LAMC2: variants seen among roughly 807,000 people sequenced by gnomAD.
The protein encoded by LAMC2 is laminin subunit gamma 2, also known as laminin subunit gamma-2.
A neutral mutation model predicts 140.2 loss-of-function variants in LAMC2; 97 were observed. That is an observed-to-expected ratio of 0.69 (90% CI 0.59 to 0.82). The LOEUF (loss-of-function observed/expected upper bound fraction) is 0.82, where lower values mean the gene tolerates loss of function less well. Among genes scored for constraint, LAMC2 ranks in the 40% least tolerant of loss-of-function variants. The pLI is 0.00. For missense variants in LAMC2, 1,402 were observed against 1,476.1 expected, an observed-to-expected ratio of 0.95 and a Z score of 0.82; for synonymous variants, 513 against 540.2, an observed-to-expected ratio of 0.95 and a Z score of 0.70.
At position 183,215,569 on chromosome 1, in the gene LAMC2, A is replaced by C; in HGVS notation, c.385A>C (p.Thr129Pro). ...CCACATGCTCACGGATGCGGGGTGC[A>C]CCCAAGACCAGAGACTGCTGTGAGT... ...GFHMLTDAGCTQDQRLLDSKC... is the reference protein window; with the variant it reads ...GFHMLTDAGCPQDQRLLDSKC... Residue 129 changes from threonine to proline, a missense_variant, in exon 3 of 23, where the codon ACC (threonine) becomes CCC (proline). Around this residue, in one of 3 missense-constraint regions of LAMC2, gnomAD observed 723 missense variants for 783.3 expected, o/e 0.92. Transcript: ENST00000264144. 2.5e-6 allele frequency: 4 copies of C among 1,614,084 alleles called. No homozygotes were observed. Among genetic ancestry groups the C allele is most frequent in the Non-Finnish European group, 3.4e-6 (4 of 1,180,022 alleles).
the LAMC2 span, among the ~76,000 whole-genome samples, chr1:183,258,058 A>C: frequency 2.0e-5 from 3 of 152,114 alleles, no homozygotes; most frequent in Admixed American, 6.5e-5. Context: ...CAAGAGTATG[A>C]ATTCTCTTCC....
intron 2 of LAMC2, among the ~76,000 whole-genome samples, chr1:183,213,435 T>TA (rs1659133308): frequency 6.6e-6 from 1 of 152,164 alleles, no homozygotes; most frequent in Non-Finnish European, 1.5e-5. Flanking sequence ...ATAATAAATT[T>TA]AAAAAACAAA....
At chr1:183,223,369 T>C (rs756830667) in intron 7 of LAMC2, 45 bp downstream of exon 7, 5 of 1,558,574 alleles carry the variant, frequency 3.2e-6, no homozygotes, top group South Asian at 1.1e-5. Context: ...CAAACTATGA[T>C]TGAAGTTCAA....
In LAMC2 at chr1:183,235,558, G is replaced by C. The variant is rs1477072944; in HGVS notation, c.2301-17G>C. ...TTTGCGTGAAAACTCTTATTCTTTT[G>C]TTTTTAATCCTTTCAGCCACGTTGA... On this transcript the variant is annotated splice_polypyrimidine_tract_variant and intron_variant, in intron 15 of 22. Transcript: ENST00000264144. The C allele has an allele frequency of 6.2e-7, 1 of 1,613,990 alleles. No individual in the cohort carries two copies. The highest frequency in any genetic ancestry group is 8.5e-7 in the Non-Finnish European group (1 of 1,179,908).
intron 1 of LAMC2, among the ~76,000 whole-genome samples, chr1:183,202,251 C>T (rs187843356): frequency 2.1e-4 from 32 of 150,912 alleles, no homozygotes; most frequent in African/African-American, 7.8e-4. Flanking sequence ...GAAAACCACA[C>T]ACACAAAAAA....
chr1:183,243,279 G>A lies in LAMC2; in HGVS notation c.3461G>A (p.Gly1154Asp). 6.2e-7 allele frequency: 1 copy of A among 1,614,186 alleles called. No individual in the cohort carries two copies. The highest frequency in any genetic ancestry group is 8.5e-7 in the Non-Finnish European group (1 of 1,180,038). ...ELEERARQQR[G>D]HLHLLETSID... is the part of the protein sequence containing the mutation. Reference sequence around the variant, plus strand: ...GAAGAGAGGGCACGTCAGCAGAGGGGCCACCTCCATTTGCTGGAGACAAGC... The same window carrying A: ...GAAGAGAGGGCACGTCAGCAGAGGGACCACCTCCATTTGCTGGAGACAAGC... The change falls in exon 23 of 23, where the codon GGC (glycine) becomes GAC (aspartate). Residue 1154 changes from glycine to aspartate, a missense_variant. By Grantham distance (94) the Gly-to-Asp change is moderately conservative. Around this residue, in one of 3 missense-constraint regions of LAMC2, gnomAD observed 670 missense variants for 667.2 expected, o/e 1.00. Transcript: ENST00000264144.
chr1:183,215,393 GC>G lies in LAMC2; in HGVS notation c.269-58del, dbSNP rs1336101218. ...CCATAGGGTGATAGTTGCTTCCAAT[GC>G]CGCATACATTAAAATATTTCTTCTT... is the stretch of plus-strand genomic sequence containing the variant. On this transcript the variant is annotated intron_variant, in intron 2 of 22. Coordinates refer to ENST00000264144, the MANE Select transcript of LAMC2 (RefSeq NM_005562.3). The G allele has an allele frequency of 1.2e-5, 19 of 1,598,570 alleles. No individual in the cohort carries two copies. In the African/African-American group the frequency reaches 1.5e-4, roughly 12 times the overall value.
intron 4 of LAMC2, among the ~76,000 whole-genome samples, chr1:183,220,215 A>G (rs1469955811): frequency 6.6e-6 from 1 of 152,228 alleles, no homozygotes; most frequent in East Asian, 1.9e-4. Flanking sequence ...GGAGGGATTG[A>G]GCTGGGAGCA....
rs769321477 is a variant in LAMC2, at chr1:183,243,284, C to A, written c.3466C>A (p.Leu1156Ile). 6.2e-7 allele frequency: 1 copy of A among 1,614,218 alleles called. No individual in the cohort carries two copies. ...GAGGGCACGTCAGCAGAGGGGCCACCTCCATTTGCTGGAGACAAGCATAGA... is the reference window on the plus strand; with the variant it reads ...GAGGGCACGTCAGCAGAGGGGCCACATCCATTTGCTGGAGACAAGCATAGA... ...EERARQQRGH[L>I]HLLETSIDGI... The change falls in exon 23 of 23, where the codon CTC becomes ATC. Residue 1156 changes from leucine (L) to isoleucine (I), a missense_variant. Physicochemically the swap from Leu to Ile is conservative, Grantham distance 5 (BLOSUM62 2). Around this residue, in one of 3 missense-constraint regions of LAMC2, gnomAD observed 670 missense variants for 667.2 expected, o/e 1.00. Transcript: ENST00000264144.
Position 183,228,466 on chromosome 1 carries a change from A to G in LAMC2, c.1561A>G (p.Asn521Asp). 6.2e-7 allele frequency: 1 copy of G among 1,613,950 alleles called. No homozygotes were observed. The highest frequency in any genetic ancestry group is 2.2e-5 in the East Asian group (1 of 44,866). The change falls in exon 11 of 23, where the codon AAC becomes GAC. Residue 521 changes from asparagine to aspartate, a missense_variant. This residue lies in a region of LAMC2 where 723 missense variants were observed against 783.3 expected (regional missense o/e 0.92). Transcript: ENST00000264144. The surrounding 1 kb of genome is among the most constrained non-coding windows in gnomAD (Gnocchi z 4.3). ...GCCTTGTCAGCCCTGTCAATGCAAC[A>G]ACAATGTGGACCCCAGTGCCTCTGG... ...VRPCQPCQCN[N>D]NVDPSASGNC...
intron 2 of LAMC2, among the ~76,000 whole-genome samples, chr1:183,212,991 C>A (rs1214536641): frequency 6.6e-6 from 1 of 152,234 alleles, no homozygotes; most frequent in Non-Finnish European, 1.5e-5. Context: ...CTAATCCAGG[C>A]CATCATGGCA....
chr1:183,227,884 A>G (rs546006242), intron 10 of LAMC2, among the ~76,000 whole-genome samples, 187 bp downstream of exon 10: 2 of 152,348 alleles, frequency 1.3e-5, no homozygotes, highest in African/African-American at 4.8e-5. Flanking sequence ...GAAGTGGATT[A>G]AGCAAGAGCA....
At chr1:183,236,139 A>T (rs1446520291) in intron 16 of LAMC2, among the ~76,000 whole-genome samples, 1 of 152,078 alleles carries the variant, frequency 6.6e-6, no homozygotes, top group African/African-American at 2.4e-5. Context: ...GTGGAGAGGG[A>T]CAAGTATCTG....
Position 183,223,347 on chromosome 1 carries a change from G to C in LAMC2, c.953+23G>C, listed in dbSNP as rs761195989. On this transcript the variant is annotated intron_variant, in intron 7 of 22. Transcript: ENST00000264144. The stretch of plus-strand genomic sequence containing the variant: ...CAGGTAAAAAGAGAGACCATAAGTA[G>C]GTCAATTAGAGCAAACTATGATTGA... 1.1e-5 allele frequency: 17 copies of C among 1,607,270 alleles called. No homozygotes were observed. In the East Asian group the frequency reaches 3.8e-4, roughly 36 times the overall value.
chr1:183,239,677 GGC>G, intron 20 of LAMC2, 114 bp downstream of exon 20: 1 of 886,968 alleles, frequency 1.1e-6, no homozygotes, highest in Non-Finnish European at 1.8e-6. Context: ...GCCCTGTTGT[GGC>G]CCATGGGAGC....
At chr1:183,213,135 TC>T (rs754030867) in intron 2 of LAMC2, among the ~76,000 whole-genome samples, 3 of 152,238 alleles carry the variant, frequency 2.0e-5, no homozygotes, top group Non-Finnish European at 2.9e-5. Context: ...CAGAAATTGA[TC>T]TGTTATTCTG....
In LAMC2 at chr1:183,235,593, T is replaced by C; in HGVS notation, c.2319T>C (p.Ser773=). 1 of 1,614,222 alleles carries C rather than the reference T, an allele frequency of 6.2e-7. No individual in the cohort carries two copies. ...RLAESHVESA[S]NMEQLTRETE... ...CTTTCAGCCACGTTGAGTCAGCCAG[T>C]AACATGGAGCAACTGACAAGGGAAA... The change falls in exon 16 of 23, where the codon AGT becomes AGC. Residue 773 remains serine (S), a synonymous_variant. Coordinates refer to ENST00000264144, the MANE Select transcript of LAMC2 (RefSeq NM_005562.3).
At chr1:183,197,911 A>G (rs1279842693) in intron 1 of LAMC2, among the ~76,000 whole-genome samples, 1 of 152,042 alleles carries the variant, frequency 6.6e-6, no homozygotes, top group Non-Finnish European at 1.5e-5. Context: ...GAGTAGGGGT[A>G]AGGAAAGGAG....
intron 22 of LAMC2, among the ~76,000 whole-genome samples, chr1:183,241,625 A>C (rs1660137261): frequency 6.6e-6 from 1 of 152,184 alleles, no homozygotes; most frequent in African/African-American, 2.4e-5. Context: ...TGGCTCTGCT[A>C]TTCCAGTTCA....
Sources: gnomAD v4.1 joint callset for allele counts (sites outside exome capture counted in the v4.1 genomes callset) on GRCh38, gnomAD v4.1.1 for gene constraint, gnomAD v4.1.1 regional missense constraint, Gnocchi (gnomAD v3.1) non-coding constraint, MANE v1.5 for transcripts, NCBI Gene and HGNC (gene_info 2026-07-23, HGNC 2026-07-21) for gene names.